EIF2A: variants seen among roughly 807,000 people sequenced by gnomAD.
EIF2A encodes eukaryotic translation initiation factor 2A, also known as 65 kDa eukaryotic translation initiation factor 2A.
Under a neutral mutation model 75.2 loss-of-function variants are expected in EIF2A, and 62 were observed. The ratio of observed to expected loss-of-function variants is 0.82; its 90% CI spans 0.67 to 1.02. The LOEUF (loss-of-function observed/expected upper bound fraction) is 1.02, where lower values mean the gene tolerates loss of function less well. Among genes scored for constraint, EIF2A ranks in the 50% least tolerant of loss-of-function variants. The pLI, the probability that EIF2A is intolerant of heterozygous loss-of-function variation, is 0.00. For synonymous variants in EIF2A, 207 were observed against 239.0 expected (o/e 0.87, Z 1.23); for missense variants, 611 against 677.7 (o/e 0.90, Z 1.09).
Position 150,564,314 on chromosome 3 carries a change from AG to A in EIF2A, c.409del (p.Glu137LysfsTer77). ...ATTGACATAGGTGTCCATCCTGGTC[AG>A]AAGATGAAACTCTTTGTGCCCGCAA... ...KMQNWCPSWS[E>X]DETLCARNVN... is the part of the protein sequence containing the mutation. On this transcript the variant is annotated frameshift_variant, in exon 6 of 14. Transcript: ENST00000460851. LOFTEE classifies it high-confidence loss of function. 6.3e-7 allele frequency: 1 copy of A among 1,593,918 alleles called. No individual in the cohort carries two copies. Among genetic ancestry groups the A allele is most frequent in the Non-Finnish European group, 8.5e-7 (1 of 1,172,740 alleles).
At chr3:150,571,146 G>A (rs1724491075) in intron 9 of EIF2A, among the ~76,000 whole-genome samples, 1 of 151,930 alleles carries the variant, frequency 6.6e-6, no homozygotes, top group Non-Finnish European at 1.5e-5. Context: ...CTGTGTTTGT[G>A]GCTTTTTTTT....
chr3:150,546,968 C>A, intron 1 of EIF2A, 138 bp downstream of exon 1: 2 of 1,210,244 alleles, frequency 1.7e-6, no homozygotes, highest in Non-Finnish European at 2.3e-6. Context: ...AGACTGTTGG[C>A]TTTCTTGATA....
chr3:150,571,894 C>T, intron 9 of EIF2A, 64 bp from the exon 10 acceptor site: 5 of 1,449,934 alleles, frequency 3.4e-6, no homozygotes, highest in Non-Finnish European at 3.7e-6. Flanking sequence ...ATGATGGTAA[C>T]TTTTGCTAAC....
chr3:150,583,770 C>T, intron 13 of EIF2A, 76 bp from the exon 14 acceptor site: 1 of 1,344,378 alleles, frequency 7.4e-7, no homozygotes, highest in Non-Finnish European at 1.0e-6. Context: ...GTCAGAAATA[C>T]CATTTTTTCT....
At chr3:150,583,328 A>C (rs1280959969) in intron 13 of EIF2A, 63 bp downstream of exon 13, 1 of 1,502,208 alleles carries the variant, frequency 6.7e-7, no homozygotes, top group Admixed American at 2.0e-5. Flanking sequence ...TTTATTATAA[A>C]CAAGTATTTA....
intron 12 of EIF2A, 169 bp from the exon 13 acceptor site, chr3:150,583,030 AT>A (rs1559888115): frequency 1.7e-6 from 1 of 598,134 alleles, no homozygotes. Flanking sequence ...AACATTTACA[AT>A]TTTGCATTTA....
Position 150,583,926 on chromosome 3 carries a change from C to T in EIF2A, c.*15C>T. The T allele has an allele frequency of 1.9e-6, 3 of 1,613,030 alleles. No individual in the cohort carries two copies. Among genetic ancestry groups the T allele is most frequent in the Non-Finnish European group, 2.5e-6 (3 of 1,179,258 alleles). Reference sequence around the variant, plus strand: ...TGGGTATTTAAAGATTCACGGAAAGCAAGTTGATGACCAGAAATCAGTGCA... The same window carrying T: ...TGGGTATTTAAAGATTCACGGAAAGTAAGTTGATGACCAGAAATCAGTGCA... On this transcript the variant is annotated 3_prime_UTR_variant, in exon 14 of 14. Transcript: ENST00000460851.
intron 1 of EIF2A, among the ~76,000 whole-genome samples, chr3:150,550,905 G>T (rs1723282108): frequency 6.6e-6 from 1 of 152,112 alleles, no homozygotes. Flanking sequence ...CCATCTGCCT[G>T]CCTCGGCCTC....
At chr3:150,551,960 A>G (rs1723339455) in intron 1 of EIF2A, among the ~76,000 whole-genome samples, 1 of 152,176 alleles carries the variant, frequency 6.6e-6, no homozygotes, top group African/African-American at 2.4e-5. Context: ...ATTACTTTAT[A>G]TAAAGCATAC....
intron 2 of EIF2A, chr3:150,557,808 A>T (rs575922370): frequency 3.4e-5 from 9 of 268,346 alleles, no homozygotes; most frequent in South Asian, 2.7e-4. Flanking sequence ...GAATTAATGC[A>T]AAGATAGTGT....
intron 10 of EIF2A, 31 bp downstream of exon 10, chr3:150,572,560 A>G (rs760840095): frequency 4.0e-5 from 62 of 1,565,498 alleles, no homozygotes; most frequent in Non-Finnish European, 5.2e-5. Context: ...TTTATAGAAA[A>G]AAGTTTATTT....
chr3:150,550,083 T>C (rs1053575257), intron 1 of EIF2A, among the ~76,000 whole-genome samples: 1 of 152,160 alleles, frequency 6.6e-6, no homozygotes, highest in African/African-American at 2.4e-5. Context: ...AAAGATTATG[T>C]AGATGTTTAA....
intron 2 of EIF2A, among the ~76,000 whole-genome samples, chr3:150,555,087 C>G (rs1723492026): frequency 6.6e-6 from 1 of 152,016 alleles, no homozygotes; most frequent in Admixed American, 6.6e-5. Context: ...GCCACCATGC[C>G]TGGCTAATTT....
At chr3:150,547,170 A>G in intron 1 of EIF2A, 1 of 341,044 alleles carries the variant, frequency 2.9e-6, no homozygotes, top group Non-Finnish European at 5.6e-6. Flanking sequence ...TTGTGAAGTC[A>G]TTTAGGTCTA....
intron 2 of EIF2A, among the ~76,000 whole-genome samples, chr3:150,554,976 A>G (rs1168436696): frequency 2.0e-5 from 3 of 152,128 alleles, no homozygotes; most frequent in Admixed American, 2.0e-4. Flanking sequence ...TGCCCAGGCT[A>G]GAATGGAGTG....
Position 150,567,679 on chromosome 3 carries a change from ACT to A in EIF2A, c.476-11_476-10del, listed in dbSNP as rs747738773. On this transcript the variant is annotated splice_polypyrimidine_tract_variant and intron_variant, in intron 6 of 13. Coordinates refer to ENST00000460851, the MANE Select transcript of EIF2A (RefSeq NM_032025.5). ...TTCTCTCATCAATCTGATTTAATTT[ACT>A]CTTTTTTTTAGACACAATTGCAAAT... The A allele has an allele frequency of 3.4e-6, 5 of 1,490,336 alleles. No homozygotes were observed. The African/African-American group carries it at 5.6e-5, about 17-fold the overall frequency. 92.3% of individuals were successfully genotyped at this position (1,490,336 alleles called of 1,614,324 possible). A position where few individuals can be genotyped will look rare whatever the true frequency, so the allele number is the denominator to read the frequency against.
At chr3:150,576,281 A>G (rs765314508) in intron 11 of EIF2A, among the ~76,000 whole-genome samples, 1 of 151,806 alleles carries the variant, frequency 6.6e-6, no homozygotes, top group African/African-American at 2.4e-5. Context: ...TCTATGAAAA[A>G]TTTTTTGCTG....
rs1724590141 is a variant in EIF2A, at chr3:150,572,463, A to G, written c.1317A>G (p.Glu439=). Residue 439 remains glutamate (E), a synonymous_variant, in exon 10 of 14, where the codon GAA becomes GAG. Coordinates refer to ENST00000460851, the MANE Select transcript of EIF2A (RefSeq NM_032025.5). ...TTCCAAGTGAAGTACCCAATGAGGA[A>G]CCTAAAGTTGCAACAGCTTATAGAC... ...QAVPSEVPNE[E]PKVATAYRPP... The G allele has an allele frequency of 1.2e-6, 2 of 1,613,870 alleles. No individual in the cohort carries two copies. The highest frequency in any genetic ancestry group is 2.7e-5 in the African/African-American group (2 of 74,928).
In EIF2A at chr3:150,567,967, C is replaced by G; in HGVS notation, c.615C>G (p.Asn205Lys). The change falls in exon 8 of 14, where the codon AAC becomes AAG. Residue 205 changes from asparagine to lysine, a missense_variant. By Grantham distance (94) the Asn-to-Lys change is moderately conservative. Transcript: ENST00000460851. ...PSFVRLYQYP[N>K]FAGPHAALAN... is the part of the protein sequence containing the mutation. ...TTGTTAGATTATATCAGTACCCCAA[C>G]TTTGCTGGACCTCATGCAGCTTTAG... 2 of 1,613,602 alleles carry G rather than the reference C, an allele frequency of 1.2e-6. No individual in the cohort carries two copies. Among genetic ancestry groups the G allele is most frequent in the Non-Finnish European group, 1.7e-6 (2 of 1,179,756 alleles).
Sources: gnomAD v4.1 joint callset for allele counts (sites outside exome capture counted in the v4.1 genomes callset) on GRCh38, gnomAD v4.1.1 for gene constraint, MANE v1.5 for transcripts, NCBI Gene and HGNC (gene_info 2026-07-23, HGNC 2026-07-21) for gene names.